PIK3R5: variants seen among roughly 807,000 people sequenced by gnomAD.
PIK3R5 encodes the protein phosphoinositide 3-kinase regulatory subunit 5.
A neutral mutation model predicts 94.9 loss-of-function variants in PIK3R5; 32 were observed. The ratio of observed to expected loss-of-function variants is 0.34; its 90% CI spans 0.25 to 0.45. The LOEUF is 0.45. Among genes scored for constraint, PIK3R5 ranks in the 20% least tolerant of loss-of-function variants. The pLI is 1.00. For synonymous variants in PIK3R5, 443 were observed against 479.4 expected (o/e 0.92, Z 0.99); for missense variants, 853 against 1,144.6 (o/e 0.75, Z 3.68).
At chr17:8,933,904 C>G (rs1567662728) in intron 1 of PIK3R5, among the ~76,000 whole-genome samples, 1 of 152,098 alleles carries the variant, frequency 6.6e-6, no homozygotes, top group Non-Finnish European at 1.5e-5. Flanking sequence ...TTTGAAAAAA[C>G]TCAACCCCCG....
At position 8,911,379 on chromosome 17, in the gene PIK3R5, C is replaced by A. The variant is rs1053407166; in HGVS notation, c.103+13G>T. 6.9e-6 allele frequency: 11 copies of A among 1,596,194 alleles called. No individual in the cohort carries two copies. The African/African-American group carries it at 1.5e-4, about 21-fold the overall frequency. Reference sequence around the variant, plus strand: ...TGAGCCCTCAAACACCTCCCCGGCTCCCTTGGACCGACCTGACCAGGAGGT... The same window carrying A: ...TGAGCCCTCAAACACCTCCCCGGCTACCTTGGACCGACCTGACCAGGAGGT... On this transcript the variant is annotated intron_variant, in intron 2 of 18. Transcript: ENST00000447110. The surrounding 1 kb of genome is among the most constrained non-coding windows in gnomAD (Gnocchi z 5.3).
At chr17:8,933,259 A>G (rs900872173) in intron 1 of PIK3R5, among the ~76,000 whole-genome samples, 1 of 152,216 alleles carries the variant, frequency 6.6e-6, no homozygotes, top group Non-Finnish European at 1.5e-5. Flanking sequence ...AAAATTGTAC[A>G]GTTAAATTTT....
In PIK3R5 at chr17:8,911,751, G is replaced by C. The variant is rs2090530066; in HGVS notation, c.-13-244C>G. On this transcript the variant is annotated intron_variant, in intron 1 of 18. Coordinates refer to ENST00000447110, the MANE Select transcript of PIK3R5 (RefSeq NM_001142633.3). The surrounding 1 kb of genome is among the most constrained non-coding windows in gnomAD (Gnocchi z 5.3). ...GCAGAACGGGACAGAGGTGTGGGAA[G>C]TAAGGGGTCAGGAATGGGAGCAGAG... 2.4e-6 allele frequency: 1 copy of C among 413,022 alleles called. No homozygotes were observed. The highest frequency in any genetic ancestry group is 4.4e-6 in the Non-Finnish European group (1 of 225,488). The allele number at this position is 413,022 out of a possible 1,614,324, so 25.6% of individuals were successfully genotyped here. A position where few individuals can be genotyped will look rare whatever the true frequency, so the allele number is the denominator to read the frequency against.
At chr17:8,899,219 G>A (rs1214303990) in intron 5 of PIK3R5, among the ~76,000 whole-genome samples, 2 of 152,222 alleles carry the variant, frequency 1.3e-5, no homozygotes, top group African/African-American at 4.8e-5. Flanking sequence ...GTGGAGTCAG[G>A]AAGCAGGGGG....
chr17:8,918,804 A>T (rs1167325402), intron 1 of PIK3R5, among the ~76,000 whole-genome samples: 3 of 152,224 alleles, frequency 2.0e-5, no homozygotes, highest in Non-Finnish European at 2.9e-5. Flanking sequence ...CATATGATCA[A>T]GGTTAACATG....
chr17:8,941,650 C>T (rs149169239), intron 1 of PIK3R5, among the ~76,000 whole-genome samples: 1,777 of 152,348 alleles, frequency 0.012, 35 homozygotes, highest in African/African-American at 0.038. Context: ...GAGAGCGGCC[C>T]ACGCGGCACC....
intron 5 of PIK3R5, among the ~76,000 whole-genome samples, chr17:8,899,482 C>T (rs2090228022): frequency 6.6e-6 from 1 of 152,204 alleles, no homozygotes; most frequent in African/African-American, 2.4e-5. Context: ...TCACTAACTG[C>T]ATTGACAGGG....
At chr17:8,897,582 T>C (rs2090181106) in intron 5 of PIK3R5, among the ~76,000 whole-genome samples, 1 of 152,216 alleles carries the variant, frequency 6.6e-6, no homozygotes, top group Non-Finnish European at 1.5e-5. Context: ...GGGCTACTCT[T>C]ACAAGTAAGT....
intron 1 of PIK3R5, among the ~76,000 whole-genome samples, chr17:8,940,159 A>G (rs948591715): frequency 6.6e-6 from 1 of 152,118 alleles, no homozygotes; most frequent in African/African-American, 2.4e-5. Flanking sequence ...AGCCTCCTGC[A>G]TTGATGAAAA....
intron 11 of PIK3R5, 125 bp downstream of exon 11, chr17:8,887,396 T>G: frequency 7.6e-7 from 1 of 1,316,996 alleles, no homozygotes; most frequent in Non-Finnish European, 1.0e-6. Flanking sequence ...GTGCAGGGAG[T>G]GAGGGCCAGG....
At position 8,889,966 on chromosome 17, in the gene PIK3R5, G is replaced by A; in HGVS notation, c.811+7C>T. The A allele has an allele frequency of 1.2e-6, 2 of 1,613,560 alleles. No homozygotes were observed. Among genetic ancestry groups the A allele is most frequent in the Non-Finnish European group, 1.7e-6 (2 of 1,179,860 alleles). ...GTGGGAGAACCCCATTCTCCCAAGA[G>A]CCTCACCTAACACCCCAGGGAAGCC... On this transcript the variant is annotated splice_region_variant and intron_variant, in intron 8 of 18. Transcript: ENST00000447110. The surrounding 1 kb of genome is among the most constrained non-coding windows in gnomAD (Gnocchi z 4.1).
At chr17:8,920,844 C>CTT (rs66921095) in intron 1 of PIK3R5, among the ~76,000 whole-genome samples, 84 of 133,722 alleles carry the variant, frequency 6.3e-4, no homozygotes, top group African/African-American at 2.1e-3. Context: ...TTTTCTTTTT[C>CTT]TTTTTTTTTT....
rs371091128 is a variant in PIK3R5 at position 8,893,761 on chromosome 17, G to A, written c.413-106C>T. On this transcript the variant is annotated intron_variant, in intron 5 of 18. Transcript: ENST00000447110. This position sits in a 1 kb window ranked among gnomAD's most constrained non-coding sequence, Gnocchi z 5.1. Reference sequence around the variant, plus strand: ...TGGACAATCAGGTTGGAAATTCCCGGATGGAGCTCAGGCGAACCTGCAGAG... The same window carrying A: ...TGGACAATCAGGTTGGAAATTCCCGAATGGAGCTCAGGCGAACCTGCAGAG... 1.4e-5 allele frequency: 12 copies of A among 866,010 alleles called. No individual in the cohort carries two copies. The African/African-American group carries it at 1.7e-4, about 12-fold the overall frequency. 53.6% of individuals were successfully genotyped at this position (866,010 alleles called of 1,614,324 possible). A position where few individuals can be genotyped will look rare whatever the true frequency, so the allele number is the denominator to read the frequency against.
Position 8,889,253 on chromosome 17 carries a change from G to T in PIK3R5, c.812-31C>A, listed in dbSNP as rs1387520294. 1.3e-6 allele frequency: 2 copies of T among 1,558,452 alleles called. No individual in the cohort carries two copies. Among genetic ancestry groups the T allele is most frequent in the Non-Finnish European group, 1.8e-6 (2 of 1,133,868 alleles). Reference sequence around the variant, plus strand: ...AGAACAGGGAGGATAGGAGAAGAGGGCTGGGAAGAGGCCTTGGAGATTGGC... The same window carrying T: ...AGAACAGGGAGGATAGGAGAAGAGGTCTGGGAAGAGGCCTTGGAGATTGGC... On this transcript the variant is annotated intron_variant, in intron 8 of 18. Transcript: ENST00000447110. This position sits in a 1 kb window ranked among gnomAD's most constrained non-coding sequence, Gnocchi z 4.1.
At chr17:8,919,631 A>G (rs2090693922) in intron 1 of PIK3R5, among the ~76,000 whole-genome samples, 2 of 152,358 alleles carry the variant, frequency 1.3e-5, no homozygotes, top group East Asian at 3.9e-4. Flanking sequence ...AAATGTTACC[A>G]GATCTCCGTG....
Position 8,880,691 on chromosome 17 carries a change from A to C in PIK3R5, c.2591T>G (p.Leu864Arg), listed in dbSNP as rs750585622. 2.7e-5 allele frequency: 43 copies of C among 1,613,754 alleles called. No homozygotes were observed. In the Admixed American group the frequency reaches 4.0e-4, roughly 15 times the overall value. Reference protein sequence around the residue: ...PDLPAQAAPDLCSLLCLPIMT... With the variant: ...PDLPAQAAPDRCSLLCLPIMT... ...GATGGGCAGGCAGAGAAGGGAGCAG[A>C]GATCAGGTGCGGCCTGGGCCGGCAG... Residue 864 changes from leucine (L) to arginine (R), a missense_variant, in exon 19 of 19, where the codon CTC (leucine) becomes CGC (arginine). Leu to Arg is a moderately radical substitution (Grantham distance 102). Coordinates refer to ENST00000447110, the MANE Select transcript of PIK3R5 (RefSeq NM_001142633.3).
intron 1 of PIK3R5, among the ~76,000 whole-genome samples, chr17:8,923,479 C>T (rs2090794990): frequency 6.6e-6 from 1 of 152,198 alleles, no homozygotes; most frequent in African/African-American, 2.4e-5. Flanking sequence ...AGTATTCTCT[C>T]AGCTGGTAAA....
At chr17:8,951,319 T>A (rs191237705) in intron 1 of PIK3R5, among the ~76,000 whole-genome samples, 4 of 152,340 alleles carry the variant, frequency 2.6e-5, no homozygotes, top group African/African-American at 9.6e-5. Context: ...ACATTCACAA[T>A]GTTGTGCAAC....
chr17:8,904,880 CAGA>C lies in PIK3R5; in HGVS notation c.306_308del (p.Leu103del). Reference sequence around the variant, plus strand: ...ACCGGTGGTAGGTGCTGGCTGCCTTCAGAAGGAGATCCGAGTCTGGTGGGAAGT... The same window carrying C: ...ACCGGTGGTAGGTGCTGGCTGCCTTCAGGAGATCCGAGTCTGGTGGGAAGT... On this transcript the variant is annotated inframe_deletion, in exon 5 of 19. Transcript: ENST00000447110. The surrounding 1 kb of genome is among the most constrained non-coding windows in gnomAD (Gnocchi z 5.1). The C allele has an allele frequency of 6.2e-7, 1 of 1,613,802 alleles. No homozygotes were observed. Among genetic ancestry groups the C allele is most frequent in the Non-Finnish European group, 8.5e-7 (1 of 1,180,022 alleles).
Sources: gnomAD v4.1 joint callset for allele counts (sites outside exome capture counted in the v4.1 genomes callset) on GRCh38, gnomAD v4.1.1 for gene constraint, Gnocchi (gnomAD v3.1) non-coding constraint, MANE v1.5 for transcripts, NCBI Gene and HGNC (gene_info 2026-07-23, HGNC 2026-07-21) for gene names.